The following CSMD1 variants were observed in gnomAD, a reference collection of about 807,000 sequenced individuals.
The protein encoded by CSMD1 is CUB and Sushi multiple domains 1.
In CSMD1, 213 loss-of-function variants were observed where a neutral mutation model predicts 417.5. The ratio of observed to expected loss-of-function variants is 0.51; its 90% confidence interval spans 0.46 to 0.57. CSMD1 has a LOEUF of 0.57. Among genes scored for constraint, CSMD1 ranks in the 20% least tolerant of loss-of-function variants. The pLI, the probability that CSMD1 is intolerant of heterozygous loss-of-function variation, is 0.00. For synonymous variants in CSMD1, 2,862 were observed against 1,736.8 expected (o/e 1.65, Z -16.11); for missense variants, 6,923 against 4,529.7 (o/e 1.53, Z -15.17).
chr8:3,152,422 A>G (rs1819254075), intron 39 of CSMD1, among the ~76,000 whole-genome samples: 1 of 152,208 alleles, frequency 6.6e-6, no homozygotes. Context: ...GCTTTATTCT[A>G]ACAATGCTCT....
At chr8:4,097,633 G>A (rs190017353) in intron 3 of CSMD1, among the ~76,000 whole-genome samples, 1 of 152,276 alleles carries the variant, frequency 6.6e-6, no homozygotes, top group East Asian at 1.9e-4. Flanking sequence ...CTGCAACATA[G>A]GGATTCAAGT....
intron 2 of CSMD1, among the ~76,000 whole-genome samples, chr8:4,448,968 C>T (rs1798974267): frequency 6.6e-6 from 1 of 152,244 alleles, no homozygotes; most frequent in South Asian, 2.1e-4. Flanking sequence ...TCTTCTGGAT[C>T]CTAAGGTACA....
chr8:4,531,674 C>G (rs1796825031), intron 2 of CSMD1, among the ~76,000 whole-genome samples: 1 of 152,106 alleles, frequency 6.6e-6, no homozygotes, highest in Admixed American at 6.6e-5. Context: ...TCTAGTTTGT[C>G]AGAATCAGCA....
chr8:2,955,752 C>A lies in CSMD1; in HGVS notation c.9831G>T (p.Gln3277His). The change falls in exon 64 of 70, where the codon CAG (glutamine) becomes CAT (histidine). Residue 3277 changes from glutamine to histidine, a missense_variant. Coordinates refer to ENST00000635120, the MANE Select transcript of CSMD1 (RefSeq NM_033225.6). The stretch of plus-strand genomic sequence containing the variant: ...CATCCGCGTGTGCCGGGGTTTCTGG[C>A]TGTCTGCAGGCATGAGCTGAAACAA... ...QTECIPHACR[Q>H]PETPAHADVR... 6.2e-7 allele frequency: 1 copy of A among 1,613,738 alleles called. No homozygotes were observed. The highest frequency in any genetic ancestry group is 8.5e-7 in the Non-Finnish European group (1 of 1,179,780).
At chr8:4,165,252 G>C (rs1299805204) in intron 3 of CSMD1, among the ~76,000 whole-genome samples, 1 of 152,316 alleles carries the variant, frequency 6.6e-6, no homozygotes, top group Non-Finnish European at 1.5e-5. Context: ...GGACATGGAG[G>C]TCTGTTGCAG....
chr8:3,516,206 GT>G (rs1467811114), intron 10 of CSMD1, among the ~76,000 whole-genome samples: 3 of 152,146 alleles, frequency 2.0e-5, no homozygotes, highest in African/African-American at 7.2e-5. Context: ...GAATATAACT[GT>G]CCTGGAAAGG....
intron 23 of CSMD1, among the ~76,000 whole-genome samples, chr8:3,325,984 A>C (rs1806504348): frequency 6.6e-6 from 1 of 152,208 alleles, no homozygotes; most frequent in African/African-American, 2.4e-5. Context: ...TATTCAAATC[A>C]ATGGAAAAGC....
At position 4,171,825 on chromosome 8, in the gene CSMD1, C is replaced by A. The variant is rs142239999; in HGVS notation, c.416-139726G>T. 2.9e-3 allele frequency among the ~76,000 whole-genome samples: 448 copies of A among 152,190 alleles called. 6 individuals carry two copies. Among genetic ancestry groups the A allele is most frequent in the African/African-American group, 9.8e-3 (407 of 41,490 alleles). The stretch of plus-strand genomic sequence containing the variant: ...TTCATTAGACAAATCATCTAAATCC[C>A]AGTTTAATAAAAAATGCCCATTATG... On this transcript the variant is annotated intron_variant, in intron 3 of 69. Coordinates refer to ENST00000635120, the MANE Select transcript of CSMD1 (RefSeq NM_033225.6).
intron 8 of CSMD1, among the ~76,000 whole-genome samples, chr8:3,593,935 T>C (rs982375077): frequency 6.6e-6 from 1 of 152,164 alleles, no homozygotes; most frequent in African/African-American, 2.4e-5. Context: ...ATCAGTTATA[T>C]GGGGAGTTTC....
intron 41 of CSMD1, among the ~76,000 whole-genome samples, chr8:3,137,581 G>T (rs940852334): frequency 5.9e-5 from 9 of 152,136 alleles, no homozygotes; most frequent in Admixed American, 5.2e-4. Context: ...TTTGCAGGTG[G>T]GTTACAGGAG....
intron 42 of CSMD1, chr8:3,113,473 A>G (rs753254175): frequency 4.3e-4 from 65 of 152,336 alleles, no homozygotes; most frequent in Middle Eastern, 3.4e-3. Context: ...TAAAGATAAG[A>G]AAGCTACATA....
intron 2 of CSMD1, among the ~76,000 whole-genome samples, chr8:4,473,092 T>A (rs887140954): frequency 6.6e-6 from 1 of 152,148 alleles, no homozygotes; most frequent in Non-Finnish European, 1.5e-5. Context: ...TATGTAACAT[T>A]TTCTCTACTT....
At chr8:3,781,283 T>A (rs910264164) in intron 5 of CSMD1, among the ~76,000 whole-genome samples, 1 of 152,190 alleles carries the variant, frequency 6.6e-6, no homozygotes, top group Admixed American at 6.5e-5. Context: ...GCCGAGAGAA[T>A]ATGGTATGAA....
At chr8:3,414,368 A>G (rs1813000153) in intron 12 of CSMD1, among the ~76,000 whole-genome samples, 1 of 151,666 alleles carries the variant, frequency 6.6e-6, no homozygotes, top group South Asian at 2.1e-4. Flanking sequence ...ATACTGTCAC[A>G]CCTCCCTCTC....
chr8:4,221,849 T>C (rs920370816), intron 3 of CSMD1, among the ~76,000 whole-genome samples: 1 of 152,134 alleles, frequency 6.6e-6, no homozygotes, highest in African/African-American at 2.4e-5. Flanking sequence ...GGAATTCTTA[T>C]TACACTCAGG....
intron 2 of CSMD1, among the ~76,000 whole-genome samples, chr8:4,511,698 A>G (rs771390307): frequency 2.0e-5 from 3 of 152,144 alleles, no homozygotes; most frequent in Non-Finnish European, 4.4e-5. Flanking sequence ...GCAGAGCCGT[A>G]ACTGATGAAC....
Position 3,998,123 on chromosome 8 carries a change from A to T in CSMD1, c.611-13T>A. Reference sequence around the variant, plus strand: ...CAGGCTCCCTCAGCTGCAGGGGCAAAAGCAGAAAGAAAGCATCACATTTCA... The same window carrying T: ...CAGGCTCCCTCAGCTGCAGGGGCAATAGCAGAAAGAAAGCATCACATTTCA... On this transcript the variant is annotated splice_polypyrimidine_tract_variant and intron_variant, in intron 4 of 69. Transcript: ENST00000635120. The T allele has an allele frequency of 9.0e-6, 14 of 1,548,452 alleles. No individual in the cohort carries two copies. Among genetic ancestry groups the T allele is most frequent in the Non-Finnish European group, 1.2e-5 (14 of 1,143,570 alleles).
chr8:3,722,638 T>A (rs779865436), intron 6 of CSMD1, among the ~76,000 whole-genome samples: 1 of 152,164 alleles, frequency 6.6e-6, no homozygotes, highest in Non-Finnish European at 1.5e-5. Context: ...AACTGTTTGG[T>A]CCAGGCATGA....
rs750769863 is a variant in CSMD1, at chr8:3,399,377, A to T, written c.2405+14T>A. 17 of 1,590,562 alleles carry T rather than the reference A, an allele frequency of 1.1e-5. No homozygotes were observed. Among genetic ancestry groups the T allele is most frequent in the Non-Finnish European group, 1.4e-5 (16 of 1,169,206 alleles). ...ACACCATTGGGTCCAAATGAAGACT[A>T]ATTTTTTTCTTACCTGTCAAAAGTT... On this transcript the variant is annotated intron_variant, in intron 16 of 69. Transcript: ENST00000635120.
Sources: gnomAD v4.1 joint callset for allele counts (sites outside exome capture counted in the v4.1 genomes callset) on GRCh38, gnomAD v4.1.1 for gene constraint, MANE v1.5 for transcripts, NCBI Gene and HGNC (gene_info 2026-07-23, HGNC 2026-07-21) for gene names.